Variants in CFAP300 observed in about 807,000 individuals in gnomAD.
The protein encoded by CFAP300 is cilia- and flagella-associated protein 300.
CFAP300 carries 32 observed loss-of-function variants against 33.0 expected under a neutral mutation model. The observed-to-expected ratio is 0.97, with a 90% CI of 0.73 to 1.30. The LOEUF is 1.30. CFAP300 is among the 50% of genes most tolerant of loss of function. The pLI, the probability that CFAP300 is intolerant of heterozygous loss-of-function variation, is 0.00. For synonymous variants in CFAP300, 102 were observed against 106.8 expected (o/e 0.95, Z 0.28); for missense variants, 356 against 318.1 (o/e 1.12, Z -0.90).
chr11:102,067,196 A>G (rs892740111), intron 4 of CFAP300, among the ~76,000 whole-genome samples: 1 of 152,094 alleles, frequency 6.6e-6, no homozygotes, highest in African/African-American at 2.4e-5. Context: ...AAGTTAGCCA[A>G]GGCTGGTGGC....
intron 2 of CFAP300, among the ~76,000 whole-genome samples, chr11:102,057,065 C>T (rs1442657748): frequency 6.6e-5 from 10 of 151,786 alleles, no homozygotes; most frequent in African/African-American, 2.2e-4. Context: ...AGCCTGGGTG[C>T]GGTGACTCAC....
intron 5 of CFAP300, 22 bp downstream of exon 5, chr11:102,076,067 A>AT: frequency 6.3e-7 from 1 of 1,586,814 alleles, no homozygotes; most frequent in Non-Finnish European, 8.5e-7. Flanking sequence ...AGATCACAAT[A>AT]TGTAAATCTC....
At chr11:102,060,164 G>T (rs774707709) in intron 3 of CFAP300, among the ~76,000 whole-genome samples, 77 of 152,088 alleles carry the variant, frequency 5.1e-4, no homozygotes, top group Non-Finnish European at 1.0e-3. Flanking sequence ...TAGAGACGGG[G>T]TTTCGCCATG....
chr11:102,061,372 G>T (rs1362805230), intron 3 of CFAP300, among the ~76,000 whole-genome samples: 1 of 152,024 alleles, frequency 6.6e-6, no homozygotes, highest in African/African-American at 2.4e-5. Context: ...TTTAAAATAG[G>T]TGAAGAGACA....
chr11:102,082,454 C>A (rs1565399825), intron 6 of CFAP300, among the ~76,000 whole-genome samples: 1 of 151,562 alleles, frequency 6.6e-6, no homozygotes, highest in Admixed American at 6.6e-5. Flanking sequence ...AATATTAGCA[C>A]TTTAAAAGCA....
chr11:102,067,541 A>T (rs1942247705), intron 4 of CFAP300, among the ~76,000 whole-genome samples: 1 of 152,206 alleles, frequency 6.6e-6, no homozygotes, highest in East Asian at 1.9e-4. Context: ...TATTTAGAAG[A>T]TAATAGTCTT....
At chr11:102,049,632 A>AT (rs1416098395) in intron 2 of CFAP300, among the ~76,000 whole-genome samples, 1 of 152,030 alleles carries the variant, frequency 6.6e-6, no homozygotes, top group African/African-American at 2.4e-5. Context: ...AGTTTTTTAT[A>AT]TTTTTTATTT....
At chr11:102,049,960 G>A (rs542045113) in intron 2 of CFAP300, among the ~76,000 whole-genome samples, 2 of 151,880 alleles carry the variant, frequency 1.3e-5, no homozygotes, top group Non-Finnish European at 2.9e-5. Context: ...AGACCAGCCT[G>A]GGCAACATAG....
intron 3 of CFAP300, among the ~76,000 whole-genome samples, chr11:102,065,994 G>C (rs541777149): frequency 1.4e-5 from 2 of 141,424 alleles, no homozygotes; most frequent in Non-Finnish European, 3.0e-5. Flanking sequence ...TTTTTGAGAC[G>C]CAGCCTAGGC....
chr11:102,047,572 C>T lies in CFAP300; in HGVS notation c.102C>T (p.Leu34=), dbSNP rs954099590. ...SLSSKEITSR[L]RQWSMLGRIK... is the part of the protein sequence containing the mutation. ...GCTCTAAGGAGATCACCAGCCGGCT[C>T]CGCCAGTGGTGAGGAACCGAGGCAC... is the stretch of plus-strand genomic sequence containing the variant. The change falls in exon 1 of 7, where the codon CTC becomes CTT. Residue 34 remains leucine (L), a synonymous_variant. Transcript: ENST00000434758. The T allele has an allele frequency of 9.1e-6, 14 of 1,535,888 alleles. No individual in the cohort carries two copies. Among genetic ancestry groups the T allele is most frequent in the Non-Finnish European group, 1.1e-5 (13 of 1,146,666 alleles).
intron 3 of CFAP300, among the ~76,000 whole-genome samples, chr11:102,059,855 G>A (rs1424673153): frequency 6.7e-6 from 1 of 149,344 alleles, no homozygotes; most frequent in Non-Finnish European, 1.5e-5. Flanking sequence ...CTGTCACCCA[G>A]GCTGGAGTGC....
At chr11:102,050,451 C>A (rs1265832909) in intron 2 of CFAP300, among the ~76,000 whole-genome samples, 1 of 152,104 alleles carries the variant, frequency 6.6e-6, no homozygotes. Flanking sequence ...TTTTCCCTTT[C>A]AATTTAAAAA....
chr11:102,056,095 C>A lies in CFAP300; in HGVS notation c.193-2785C>A, dbSNP rs760189833. ...CCCTGTTCTAAGTCCTGGGAGATAG[C>A]AGTGAATAAGAAAAACAGGACCCCT... On this transcript the variant is annotated intron_variant, in intron 2 of 6. Transcript: ENST00000434758. 3.9e-4 allele frequency among the ~76,000 whole-genome samples: 60 copies of A among 152,160 alleles called. 1 individual carries two copies. The highest frequency in any genetic ancestry group is 7.8e-4 in the Non-Finnish European group (53 of 68,026).
At chr11:102,047,761 C>G in intron 1 of CFAP300, 54 bp from the exon 2 acceptor site, 1 of 1,586,766 alleles carries the variant, frequency 6.3e-7, no homozygotes, top group Non-Finnish European at 8.6e-7. Flanking sequence ...GTTATCGGTG[C>G]GCTCTGAGAG....
At chr11:102,063,349 G>A (rs979179283) in intron 3 of CFAP300, among the ~76,000 whole-genome samples, 26 of 152,218 alleles carry the variant, frequency 1.7e-4, no homozygotes, top group Non-Finnish European at 3.4e-4. Context: ...CTTTTGGAAT[G>A]GAAATGACTA....
chr11:102,069,977 CA>C (rs1381451362), intron 4 of CFAP300, among the ~76,000 whole-genome samples: 1 of 152,046 alleles, frequency 6.6e-6, no homozygotes, highest in Admixed American at 6.5e-5. Context: ...CTCCACCCCC[CA>C]AAAATTGCAC....
intron 6 of CFAP300, among the ~76,000 whole-genome samples, chr11:102,082,726 C>A (rs761650856): frequency 6.6e-5 from 10 of 152,124 alleles, no homozygotes; most frequent in African/African-American, 9.7e-5. Context: ...TGGCCGGGTG[C>A]TGTGTCTCAA....
In CFAP300 at chr11:102,066,669, A is replaced by AAATTTCGCAGTGGAATTTTAT. The variant is rs769054770; in HGVS notation, c.435+19_435+39dup. ...TACGAAGAGTAAGTACAGAATTTTAAAATTTCGCAGTGGAATTTTATTTCA... is the reference window on the plus strand; with the variant it reads ...TACGAAGAGTAAGTACAGAATTTTAAAATTTCGCAGTGGAATTTTATAATTTCGCAGTGGAATTTTATTTCA... On this transcript the variant is annotated intron_variant, in intron 4 of 6. Coordinates refer to ENST00000434758, the MANE Select transcript of CFAP300 (RefSeq NM_032930.3). The AAATTTCGCAGTGGAATTTTAT allele has an allele frequency of 5.7e-6, 9 of 1,571,570 alleles. No homozygotes were observed. The African/African-American group carries it at 1.2e-4, about 22-fold the overall frequency.
Position 102,076,026 on chromosome 11 carries a change from A to G in CFAP300, c.589A>G (p.Ile197Val). ...CCCATATCTGGAAACAACAAAGCTT[A>G]TCTATAAGGATCTGGTGAGGTAATG... ...ISPYLETTKL[I>V]YKDLVSVRKN... The change falls in exon 5 of 7, where the codon ATC becomes GTC. Residue 197 changes from isoleucine to valine, a missense_variant. Coordinates refer to ENST00000434758, the MANE Select transcript of CFAP300 (RefSeq NM_032930.3). The G allele has an allele frequency of 6.2e-7, 1 of 1,611,206 alleles. No homozygotes were observed. Among genetic ancestry groups the G allele is most frequent in the Admixed American group, 1.7e-5 (1 of 59,426 alleles).
Sources: allele counts gnomAD v4.1 joint callset (sites outside exome capture counted in the v4.1 genomes callset), GRCh38; gene constraint gnomAD v4.1.1; transcripts MANE v1.5; gene names NCBI Gene and HGNC (gene_info 2026-07-23, HGNC 2026-07-21).